Variants in TPD52 observed in about 807,000 individuals in gnomAD.
The protein encoded by TPD52 is tumor protein D52, also known as prostate and colon associated protein.
A neutral mutation model predicts 31.3 loss-of-function variants in TPD52; 17 were observed. The ratio of observed to expected loss-of-function variants is 0.54; its 90% CI spans 0.37 to 0.82. The LOEUF (loss-of-function observed/expected upper bound fraction) is 0.82. TPD52 is among the 40% of genes least tolerant of loss of function. TPD52 has a pLI of 0.00. For missense variants in TPD52, 212 were observed against 240.1 expected, an observed-to-expected ratio of 0.88 and a Z score of 0.77; for synonymous variants, 83 against 89.6, an observed-to-expected ratio of 0.93 and a Z score of 0.42.
chr8:80,048,297 AACTG>A (rs1171467986), intron 5 of TPD52, among the ~76,000 whole-genome samples: 17 of 152,186 alleles, frequency 1.1e-4, no homozygotes, highest in African/African-American at 3.9e-4. Flanking sequence ...CTGATTTATC[AACTG>A]ACTATGTAAA....
intron 1 of TPD52, among the ~76,000 whole-genome samples, chr8:80,160,875 C>T (rs186920077): frequency 3.0e-4 from 36 of 121,514 alleles, no homozygotes; most frequent in African/African-American, 1.2e-3. Context: ...AAAACACCAT[C>T]TCTACTAAAA....
rs1442193721 is a variant in TPD52, at chr8:80,036,826, T to C, written c.*1290A>G. 4 of 152,508 alleles carry C rather than the reference T, an allele frequency of 2.6e-5. No individual in the cohort carries two copies. Among genetic ancestry groups the C allele is most frequent in the Admixed American group, 1.3e-4 (2 of 15,266 alleles). 9.4% of individuals were successfully genotyped at this position (152,508 alleles called of 1,614,324 possible). A position where few individuals can be genotyped will look rare whatever the true frequency, so the allele number is the denominator to read the frequency against. On this transcript the variant is annotated 3_prime_UTR_variant, in exon 8 of 8. Coordinates refer to ENST00000518937, the MANE Select transcript of TPD52 (RefSeq NM_001025253.3). ...CAAGCTTGGCAGTTAACATTTGGCA[T>C]AAACAATAATAAAACAATCACAATT...
downstream of TPD52, among the ~76,000 whole-genome samples, chr8:80,031,545 A>C (rs1325995048): frequency 6.6e-6 from 1 of 152,166 alleles, no homozygotes; most frequent in African/African-American, 2.4e-5. Flanking sequence ...TGTAAAGAGC[A>C]TGGCCAGTGG....
Position 80,114,621 on chromosome 8 carries a change from C to G in TPD52, c.20-50028G>C, listed in dbSNP as rs144313436. Among the ~76,000 whole-genome samples the G allele has an allele frequency of 2.0e-3, 304 of 152,316 alleles. 3 individuals are homozygous for G. Among genetic ancestry groups the G allele is most frequent in the African/African-American group, 6.9e-3 (288 of 41,566 alleles). ...AATCTGGACACTCCAAAATTAGGCC[C>G]TAACTGACCTTTCCATCCTTAATTT... On this transcript the variant is annotated intron_variant, in intron 1 of 7. Transcript: ENST00000518937.
chr8:80,168,766 A>T (rs938233169), intron 1 of TPD52, among the ~76,000 whole-genome samples: 2 of 152,206 alleles, frequency 1.3e-5, no homozygotes, highest in African/African-American at 4.8e-5. Flanking sequence ...TTGAGAATAG[A>T]CAGGGAAAAC....
At chr8:80,130,033 G>A (rs1188927695) in intron 1 of TPD52, among the ~76,000 whole-genome samples, 1 of 152,198 alleles carries the variant, frequency 6.6e-6, no homozygotes, top group South Asian at 2.1e-4. Flanking sequence ...TCCTGGATAA[G>A]AGGTCAGCCA....
chr8:80,117,299 G>T (rs370933370), intron 1 of TPD52, among the ~76,000 whole-genome samples: 1 of 152,102 alleles, frequency 6.6e-6, no homozygotes, highest in African/African-American at 2.4e-5. Flanking sequence ...CAGCAACTTT[G>T]CAGGCTTATA....
chr8:80,133,320 T>C (rs572913402), intron 1 of TPD52, among the ~76,000 whole-genome samples: 1 of 152,294 alleles, frequency 6.6e-6, no homozygotes, highest in South Asian at 2.1e-4. Flanking sequence ...CAGCCTGTGA[T>C]TGACCCTCTG....
At chr8:80,084,915 G>C (rs1268854160) in intron 1 of TPD52, among the ~76,000 whole-genome samples, 1 of 151,908 alleles carries the variant, frequency 6.6e-6, no homozygotes, top group Non-Finnish European at 1.5e-5. Context: ...ATGGAAAAAA[G>C]CAATACAAAT....
chr8:80,052,623 C>G, intron 3 of TPD52: 1 of 1,288,420 alleles, frequency 7.8e-7, no homozygotes, highest in Non-Finnish European at 1.0e-6. Flanking sequence ...GCAGATGGCT[C>G]TCAATACAGA....
At chr8:80,137,302 A>G (rs1415506478) in intron 1 of TPD52, among the ~76,000 whole-genome samples, 1 of 152,252 alleles carries the variant, frequency 6.6e-6, no homozygotes, top group Non-Finnish European at 1.5e-5. Context: ...TTTACTAGAA[A>G]TCACTGAATT....
At chr8:80,059,608 CT>C (rs1812290963) in intron 2 of TPD52, among the ~76,000 whole-genome samples, 1 of 152,078 alleles carries the variant, frequency 6.6e-6, no homozygotes, top group African/African-American at 2.4e-5. Context: ...AATCCCAGCA[CT>C]TTGGGAGGCC....
chr8:80,133,150 T>C (rs957255134), intron 1 of TPD52, among the ~76,000 whole-genome samples: 42 of 152,328 alleles, frequency 2.8e-4, no homozygotes, highest in African/African-American at 9.1e-4. Context: ...AAACCAGGTA[T>C]GCACATATAA....
intron 1 of TPD52, among the ~76,000 whole-genome samples, chr8:80,144,962 T>C (rs1810092572): frequency 6.6e-6 from 1 of 152,048 alleles, no homozygotes; most frequent in African/African-American, 2.4e-5. Flanking sequence ...GTGGAAAGGA[T>C]TAAGATTATA....
At chr8:80,109,469 C>A (rs746068813) in intron 1 of TPD52, among the ~76,000 whole-genome samples, 5 of 152,140 alleles carry the variant, frequency 3.3e-5, no homozygotes, top group Admixed American at 6.5e-5. Flanking sequence ...TGCAATGGTG[C>A]AATCTCGGCT....
intron 1 of TPD52, among the ~76,000 whole-genome samples, chr8:80,073,591 G>A (rs1179394072): frequency 6.6e-6 from 1 of 152,198 alleles, no homozygotes; most frequent in Non-Finnish European, 1.5e-5. Context: ...GATCTCTGAT[G>A]CACAGTGTCT....
At chr8:80,071,557 G>A (rs577009503) in intron 1 of TPD52, among the ~76,000 whole-genome samples, 3 of 151,900 alleles carry the variant, frequency 2.0e-5, no homozygotes, top group East Asian at 1.9e-4. Flanking sequence ...ATCTAGCCAC[G>A]CCAAGGCCAT....
chr8:80,129,994 G>A lies in TPD52; in HGVS notation c.19+41431C>T, dbSNP rs140403767. ...ATTACAGGCGTAAGCCGTTGCTCCC[G>A]GCCACTCTCCTTTGTTTCTAAATGA... On this transcript the variant is annotated intron_variant, in intron 1 of 7. Coordinates refer to ENST00000518937, the MANE Select transcript of TPD52 (RefSeq NM_001025253.3). Among the ~76,000 whole-genome samples, 18 of 152,232 alleles carry A rather than the reference G, an allele frequency of 1.2e-4. No individual in the cohort carries two copies. In the East Asian group the frequency reaches 2.7e-3, roughly 23 times the overall value.
At chr8:80,038,963 T>G (rs538401602) in intron 7 of TPD52, among the ~76,000 whole-genome samples, 1 of 152,358 alleles carries the variant, frequency 6.6e-6, no homozygotes, top group Non-Finnish European at 1.5e-5. Context: ...CCCTTACACA[T>G]GTCACTTTAT....
Sources: allele counts gnomAD v4.1 joint callset (sites outside exome capture counted in the v4.1 genomes callset), GRCh38; gene constraint gnomAD v4.1.1; transcripts MANE v1.5; gene names NCBI Gene and HGNC (gene_info 2026-07-23, HGNC 2026-07-21).